DGKB: variants seen among roughly 807,000 people sequenced by gnomAD.
DGKB encodes the protein diacylglycerol kinase beta, also known as 90 kDa diacylglycerol kinase.
Under a neutral mutation model 114.3 loss-of-function variants are expected in DGKB, and 67 were observed. The ratio of observed to expected loss-of-function variants is 0.59; its 90% CI spans 0.48 to 0.72. The LOEUF is 0.72. Ranked by LOEUF, DGKB falls within the 30% of genes least tolerant of loss-of-function variation. The pLI is 0.00. For synonymous variants in DGKB, 398 were observed against 323.1 expected (o/e 1.23, Z -2.49); for missense variants, 907 against 975.2 (o/e 0.93, Z 0.93).
At chr7:14,365,447 G>C (rs754763572) in intron 21 of DGKB, among the ~76,000 whole-genome samples, 8 of 152,048 alleles carry the variant, frequency 5.3e-5, no homozygotes, top group Non-Finnish European at 8.8e-5. Context: ...AGAAGGGACA[G>C]CCCAGAACCG....
At chr7:14,924,822 C>A (rs1310359167) in intron 1 of DGKB, among the ~76,000 whole-genome samples, 1 of 152,088 alleles carries the variant, frequency 6.6e-6, no homozygotes, top group African/African-American at 2.4e-5. Flanking sequence ...CTTTACCCAG[C>A]TCCTCTCATG....
At chr7:14,710,866 G>A (rs1305707338) in intron 6 of DGKB, among the ~76,000 whole-genome samples, 1 of 151,964 alleles carries the variant, frequency 6.6e-6, no homozygotes, top group Non-Finnish European at 1.5e-5. Context: ...ACCTGGACAT[G>A]TTATTTTAGC....
chr7:14,749,139 T>G (rs1426807726), intron 4 of DGKB, among the ~76,000 whole-genome samples: 1 of 152,198 alleles, frequency 6.6e-6, no homozygotes, highest in Admixed American at 6.5e-5. Context: ...CATGGCTATC[T>G]TACTGAGATT....
chr7:14,749,793 C>A (rs911506622), intron 4 of DGKB, among the ~76,000 whole-genome samples: 6 of 152,036 alleles, frequency 3.9e-5, no homozygotes, highest in Non-Finnish European at 7.4e-5. Context: ...GTCTTGGAAA[C>A]CTTTGTATAT....
chr7:14,656,243 TTA>T (rs1815758097), intron 13 of DGKB, among the ~76,000 whole-genome samples: 1 of 151,704 alleles, frequency 6.6e-6, no homozygotes, highest in Non-Finnish European at 1.5e-5. Flanking sequence ...TAAAGAATTT[TTA>T]TGACTTCATT....
intron 20 of DGKB, among the ~76,000 whole-genome samples, chr7:14,545,059 C>T (rs1443560334): frequency 6.6e-6 from 1 of 151,912 alleles, no homozygotes; most frequent in Non-Finnish European, 1.5e-5. Context: ...TCTTTTCTAT[C>T]ACTGTCTTCA....
chr7:14,569,745 G>C (rs1189605855), intron 20 of DGKB, among the ~76,000 whole-genome samples: 1 of 150,570 alleles, frequency 6.6e-6, no homozygotes, highest in African/African-American at 2.4e-5. Flanking sequence ...TTTTAAATAA[G>C]TTTGTTATAA....
chr7:14,561,375 G>C (rs1796635049), intron 20 of DGKB, among the ~76,000 whole-genome samples: 1 of 152,072 alleles, frequency 6.6e-6, no homozygotes. Flanking sequence ...GTCTTTATTA[G>C]CATCATGGAA....
intron 21 of DGKB, among the ~76,000 whole-genome samples, chr7:14,460,570 A>G (rs956878626): frequency 6.6e-6 from 1 of 152,160 alleles, no homozygotes; most frequent in Non-Finnish European, 1.5e-5. Context: ...CTAAATATAT[A>G]TGCATCCAAT....
At chr7:14,340,310 T>G (rs966202523) in intron 22 of DGKB, among the ~76,000 whole-genome samples, 1 of 151,772 alleles carries the variant, frequency 6.6e-6, no homozygotes, top group Non-Finnish European at 1.5e-5. Flanking sequence ...ATTAATTTCA[T>G]AATTAAAAGT....
At position 14,698,155 on chromosome 7, in the gene DGKB, G is replaced by A; in HGVS notation, c.531C>T (p.Ile177=). The part of the protein sequence containing the change: ...GFLDSSELEN[I]ISQMMHVAEY... ...CTGCAACATGCATCATCTGACTGAT[G>A]ATATTTTCTAGCTCCTGGAAGAGAA... The change falls in exon 8 of 26, where the codon ATC becomes ATT. Residue 177 remains isoleucine, a synonymous_variant. Coordinates refer to ENST00000402815, the MANE Select transcript of DGKB (RefSeq NM_001350709.2). 2 of 1,529,098 alleles carry A rather than the reference G, an allele frequency of 1.3e-6. No individual in the cohort carries two copies. 94.7% of individuals were successfully genotyped at this position (1,529,098 alleles called of 1,614,324 possible).
chr7:14,924,421 G>T (rs1222589796), intron 1 of DGKB, among the ~76,000 whole-genome samples: 1 of 152,102 alleles, frequency 6.6e-6, no homozygotes, highest in Non-Finnish European at 1.5e-5. Flanking sequence ...GTTATAAAAA[G>T]TTCTCAGGTG....
intron 5 of DGKB, among the ~76,000 whole-genome samples, chr7:14,729,129 T>C (rs1586035674): frequency 6.9e-6 from 1 of 145,626 alleles, no homozygotes; most frequent in African/African-American, 2.6e-5. Flanking sequence ...CTTTCTTTTT[T>C]TTTTTTTTTT....
intron 9 of DGKB, among the ~76,000 whole-genome samples, chr7:14,692,745 C>A (rs1283466825): frequency 6.6e-6 from 1 of 151,310 alleles, no homozygotes; most frequent in Non-Finnish European, 1.5e-5. Flanking sequence ...CCATATATCA[C>A]TTATTAGTAT....
At chr7:14,611,863 T>A (rs1350379379) in intron 16 of DGKB, among the ~76,000 whole-genome samples, 1 of 151,778 alleles carries the variant, frequency 6.6e-6, no homozygotes, top group Non-Finnish European at 1.5e-5. Context: ...CTCTTCAAAC[T>A]TCAATATTCT....
Position 14,538,190 on chromosome 7 carries a change from A to G in DGKB, c.1770+36022T>C, listed in dbSNP as rs536300167. ...ATGAAATGGTACTCTATGCAGTGGG[A>G]GAAAACATTTGCAAACCATGTATTT... On this transcript the variant is annotated intron_variant, in intron 20 of 25. Coordinates refer to ENST00000402815, the MANE Select transcript of DGKB (RefSeq NM_001350709.2). Among the ~76,000 whole-genome samples the G allele has an allele frequency of 2.6e-5, 4 of 151,922 alleles. No individual in the cohort carries two copies. The Middle Eastern group carries it at 0.01, about 388-fold the overall frequency.
chr7:14,465,219 G>C (rs143174468), intron 21 of DGKB, among the ~76,000 whole-genome samples: 1 of 151,336 alleles, frequency 6.6e-6, no homozygotes, highest in Admixed American at 6.6e-5. Context: ...AGGCCCAAAG[G>C]CTTTACAAGA....
chr7:14,718,507 A>C (rs766487557), intron 6 of DGKB, 35 bp downstream of exon 6: 122 of 1,580,986 alleles, frequency 7.7e-5, no homozygotes, highest in Non-Finnish European at 9.9e-5. Flanking sequence ...CCTGCCCCCA[A>C]TCACGATAAG....
intron 1 of DGKB, among the ~76,000 whole-genome samples, chr7:14,937,065 CACACACACAT>C (rs200609032): frequency 0.012 from 1,610 of 139,184 alleles, 18 homozygotes; most frequent in Admixed American, 0.013. Context: ...CACACACACA[CACACACACAT>C]CTTTTGTTAA....
Sources: allele counts gnomAD v4.1 joint callset (sites outside exome capture counted in the v4.1 genomes callset), GRCh38; gene constraint gnomAD v4.1.1; transcripts MANE v1.5; gene names NCBI Gene and HGNC (gene_info 2026-07-23, HGNC 2026-07-21).